Variants in ATOH8 observed in about 807,000 individuals in gnomAD.
ATOH8 encodes the protein atonal bHLH transcription factor 8.
In ATOH8, 9 loss-of-function variants were observed where a neutral mutation model predicts 21.2. The observed-to-expected ratio is 0.42, with a 90% CI of 0.26 to 0.74. The LOEUF (loss-of-function observed/expected upper bound fraction) is 0.74, where lower values mean the gene tolerates loss of function less well. Ranked by LOEUF, ATOH8 falls within the 30% of genes least tolerant of loss-of-function variation. ATOH8 has a pLI of 0.24. For synonymous variants in ATOH8, 253 were observed against 224.0 expected, an observed-to-expected ratio of 1.13 and a Z score of -1.16; for missense variants, 524 against 470.9, an observed-to-expected ratio of 1.11 and a Z score of -1.04.
At chr2:85,775,276 C>T (rs1680291892) in intron 2 of ATOH8, 1 of 985,196 alleles carries the variant, frequency 1.0e-6, no homozygotes, top group Non-Finnish European at 1.2e-6. Context: ...CAAATAATGA[C>T]ACACCATTCT....
intron 2 of ATOH8, among the ~76,000 whole-genome samples, chr2:85,765,704 C>T (rs796401850): frequency 5.6e-4 from 86 of 152,294 alleles, no homozygotes; most frequent in African/African-American, 2.0e-3. Context: ...GCCCTACCCC[C>T]GCACCCTCCT....
Position 85,754,293 on chromosome 2 carries a change from G to T in ATOH8, c.104G>T (p.Arg35Leu). ...AAGCGGAAAGGCAAGGAGCCGGCGC[G>T]GCGCGCGAACGGCTATAAAACTTTC... ...KLKRKGKEPA[R>L]RANGYKTFRL... is the part of the protein sequence containing the mutation. Residue 35 changes from arginine (R) to leucine (L), a missense_variant, in exon 1 of 3, where the codon CGG becomes CTG. Physicochemically the swap from Arg to Leu is moderately radical, Grantham distance 102. Transcript: ENST00000306279. 1 of 1,610,078 alleles carries T rather than the reference G, an allele frequency of 6.2e-7. No individual in the cohort carries two copies. The highest frequency in any genetic ancestry group is 8.5e-7 in the Non-Finnish European group (1 of 1,178,882).
At position 85,765,504 on chromosome 2, in the gene ATOH8, C is replaced by T. The variant is rs368477955; in HGVS notation, c.960+1322C>T. Among the ~76,000 whole-genome samples the T allele has an allele frequency of 7.2e-5, 11 of 152,366 alleles. No homozygotes were observed. The East Asian group carries it at 2.1e-3, about 29-fold the overall frequency. ...CAAGTGGGTGAGAGAGGAAGCGCCA[C>T]TGGCGGCTCTGGGCAGCTTTCCTCT... is the stretch of plus-strand genomic sequence containing the variant. On this transcript the variant is annotated intron_variant, in intron 2 of 2. Transcript: ENST00000306279.
intron 2 of ATOH8, 129 bp from the exon 3 acceptor site, chr2:85,786,756 A>G: frequency 8.2e-7 from 1 of 1,226,316 alleles, no homozygotes; most frequent in Non-Finnish European, 1.2e-6. Flanking sequence ...TGGCTCTTCC[A>G]CTTATCGAAC....
intron 1 of ATOH8, among the ~76,000 whole-genome samples, chr2:85,760,501 C>T (rs1012368448): frequency 6.6e-6 from 1 of 152,146 alleles, no homozygotes; most frequent in Non-Finnish European, 1.5e-5. Flanking sequence ...TATTCAGATC[C>T]CCAAGCAGTT....
intron 2 of ATOH8, among the ~76,000 whole-genome samples, chr2:85,779,912 C>G (rs1680437389): frequency 6.6e-6 from 1 of 152,206 alleles, no homozygotes; most frequent in Non-Finnish European, 1.5e-5. Flanking sequence ...GGATGGGGTG[C>G]TCGTGGTGGA....
Position 85,785,335 on chromosome 2 carries a change from C to T in ATOH8, c.961-1550C>T, listed in dbSNP as rs1249981509. On this transcript the variant is annotated intron_variant, in intron 2 of 2. Coordinates refer to ENST00000306279, the MANE Select transcript of ATOH8 (RefSeq NM_032827.7). The surrounding 1 kb of genome is among the most constrained non-coding windows in gnomAD (Gnocchi z 4.1). ...ATCCTCCTCCTCAGACTCGGTAACA[C>T]AAAGCAGATTCCTGCTGGGGCCAGC... Among the ~76,000 whole-genome samples the T allele has an allele frequency of 6.6e-6, 1 of 152,250 alleles. No homozygotes were observed. The highest frequency in any genetic ancestry group is 2.4e-5 in the African/African-American group (1 of 41,472).
rs1401943578 is a variant in ATOH8 at position 85,787,095 on chromosome 2, A to G, written c.*205A>G. 1 of 620,274 alleles carries G rather than the reference A, an allele frequency of 1.6e-6. No homozygotes were observed. The highest frequency in any genetic ancestry group is 2.9e-5 in the East Asian group (1 of 34,530). 38.4% of individuals were successfully genotyped at this position (620,274 alleles called of 1,614,324 possible). The stretch of plus-strand genomic sequence containing the variant: ...CCCAGCCAATCCGAGGCTGCTTCGC[A>G]CTTTGCCCTCTGCCTGGTGGGGAGG... On this transcript the variant is annotated 3_prime_UTR_variant, in exon 3 of 3. Transcript: ENST00000306279.
Position 85,754,939 on chromosome 2 carries a change from C to G in ATOH8, c.750C>G (p.Phe250Leu). Residue 250 changes from phenylalanine (F) to leucine (L), a missense_variant, in exon 1 of 3, where the codon TTC (phenylalanine) becomes TTG (leucine). Physicochemically the swap from Phe to Leu is conservative, Grantham distance 22. Transcript: ENST00000306279. ...RTRVHTISAAFEALRKQVPCY... is the reference protein window; with the variant it reads ...RTRVHTISAALEALRKQVPCY... ...GGGTGCACACCATCAGCGCAGCCTT[C>G]GAGGCGCTCAGGAAGCAGGTACCCG... 1 of 1,597,040 alleles carries G rather than the reference C, an allele frequency of 6.3e-7. No individual in the cohort carries two copies. The highest frequency in any genetic ancestry group is 8.5e-7 in the Non-Finnish European group (1 of 1,175,196).
At position 85,754,846 on chromosome 2, in the gene ATOH8, C is replaced by A. The variant is rs570685156; in HGVS notation, c.657C>A (p.Ala219=). The A allele has an allele frequency of 9.3e-6, 15 of 1,612,500 alleles. No individual in the cohort carries two copies. The highest frequency in any genetic ancestry group is 4.4e-5 in the South Asian group (4 of 91,086). ...GGAAACGACCGGGCGAAGCGACTGCCGCCTCCTCCGAGATCAAAGCCCTGC... is the reference window on the plus strand; with the variant it reads ...GGAAACGACCGGGCGAAGCGACTGCAGCCTCCTCCGAGATCAAAGCCCTGC... ...SPRKRPGEAT[A]ASSEIKALQQ... is the part of the protein sequence containing the mutation. The change falls in exon 1 of 3, where the codon GCC becomes GCA. Residue 219 remains alanine, a synonymous_variant. Transcript: ENST00000306279.
rs1680653889 is a variant in ATOH8, at chr2:85,787,489, G to A, written c.*599G>A. 6.5e-6 allele frequency: 1 copy of A among 153,110 alleles called. No individual in the cohort carries two copies. Among genetic ancestry groups the A allele is most frequent in the Non-Finnish European group, 1.5e-5 (1 of 68,406 alleles). The allele number at this position is 153,110 out of a possible 1,614,324, so 9.5% of individuals were successfully genotyped here. On this transcript the variant is annotated 3_prime_UTR_variant, in exon 3 of 3. Coordinates refer to ENST00000306279, the MANE Select transcript of ATOH8 (RefSeq NM_032827.7). ...CTGGGCGGGGCTGGGAGTGGGACCT[G>A]AGATCCCTGCCCACTCTCTCCCCTT... is the stretch of plus-strand genomic sequence containing the variant.
intron 2 of ATOH8, among the ~76,000 whole-genome samples, chr2:85,781,817 G>T (rs1680504789): frequency 6.6e-6 from 1 of 152,078 alleles, no homozygotes; most frequent in South Asian, 2.1e-4. Flanking sequence ...GGCTGAGGTG[G>T]CAGTGAGCCT....
intron 2 of ATOH8, among the ~76,000 whole-genome samples, chr2:85,770,776 C>T (rs1212915075): frequency 6.6e-6 from 1 of 152,178 alleles, no homozygotes; most frequent in Non-Finnish European, 1.5e-5. Context: ...CCTCTTTTCA[C>T]ACTCTCTGCC....
At chr2:85,774,024 A>G (rs1680262643) in intron 2 of ATOH8, 3 of 926,946 alleles carry the variant, frequency 3.2e-6, no homozygotes, top group Non-Finnish European at 3.9e-6. Flanking sequence ...TTTTAACCTC[A>G]GGACCCTGAT....
chr2:85,786,250 A>C (rs1029581450), intron 2 of ATOH8, among the ~76,000 whole-genome samples: 3 of 152,188 alleles, frequency 2.0e-5, no homozygotes, highest in African/African-American at 7.2e-5. Flanking sequence ...CCCTGACTCC[A>C]CTGCAATCAA....
intron 1 of ATOH8, among the ~76,000 whole-genome samples, chr2:85,763,071 T>C (rs1313852359): frequency 2.6e-5 from 4 of 152,124 alleles, no homozygotes; most frequent in African/African-American, 9.7e-5. Context: ...GGAGCCATCG[T>C]TGCTGGATTG....
intron 1 of ATOH8, 70 bp downstream of exon 1, chr2:85,755,027 G>A (rs926671959): frequency 1.0e-5 from 15 of 1,485,418 alleles, no homozygotes; most frequent in Non-Finnish European, 1.3e-5. Flanking sequence ...GCGAGTGGCC[G>A]GGGCGGGATA....
chr2:85,777,629 T>C (rs370551645), intron 2 of ATOH8, among the ~76,000 whole-genome samples: 48 of 152,300 alleles, frequency 3.2e-4, no homozygotes, highest in African/African-American at 1.2e-3. Flanking sequence ...GCATCAGTTA[T>C]TGGGAAAGGG....
chr2:85,758,668 A>T (rs1679782676), intron 1 of ATOH8, among the ~76,000 whole-genome samples: 1 of 152,116 alleles, frequency 6.6e-6, no homozygotes, highest in African/African-American at 2.4e-5. Flanking sequence ...GCAGGTGGGG[A>T]GGTGCAGGTG....
Sources: gnomAD v4.1 joint callset for allele counts (sites outside exome capture counted in the v4.1 genomes callset) on GRCh38, gnomAD v4.1.1 for gene constraint, Gnocchi (gnomAD v3.1) non-coding constraint, MANE v1.5 for transcripts, NCBI Gene and HGNC (gene_info 2026-07-23, HGNC 2026-07-21) for gene names.